SEMA5A: variants seen among roughly 807,000 people sequenced by gnomAD.
SEMA5A encodes semaphorin 5A.
Under a neutral mutation model 135.5 loss-of-function variants are expected in SEMA5A, and 55 were observed. The ratio of observed to expected loss-of-function variants is 0.41; its 90% CI spans 0.33 to 0.51. The LOEUF is 0.51. Ranked by LOEUF, SEMA5A falls within the 20% of genes least tolerant of loss-of-function variation. The pLI, the probability that SEMA5A is intolerant of heterozygous loss-of-function variation, is 0.37. For missense variants in SEMA5A, 1,290 were observed against 1,419.9 expected, an observed-to-expected ratio of 0.91 and a Z score of 1.47; for synonymous variants, 580 against 546.5, an observed-to-expected ratio of 1.06 and a Z score of -0.85.
intron 3 of SEMA5A, among the ~76,000 whole-genome samples, chr5:9,349,877 G>A (rs767457162): frequency 7.2e-5 from 11 of 152,058 alleles, no homozygotes; most frequent in South Asian, 6.2e-4. Flanking sequence ...ACTCCAGCCC[G>A]GGCAACTGAG....
chr5:9,540,795 G>A (rs1738042682), intron 1 of SEMA5A, among the ~76,000 whole-genome samples: 1 of 152,068 alleles, frequency 6.6e-6, no homozygotes, highest in Non-Finnish European at 1.5e-5. Flanking sequence ...CAGCTGCCTT[G>A]GTAGCTGGCT....
chr5:9,267,027 G>A (rs1749714764), intron 5 of SEMA5A, among the ~76,000 whole-genome samples: 1 of 152,200 alleles, frequency 6.6e-6, no homozygotes, highest in Admixed American at 6.5e-5. Flanking sequence ...CAGTGAAGAC[G>A]TGATATACCT....
chr5:9,406,937 T>C (rs1307257096), intron 2 of SEMA5A, among the ~76,000 whole-genome samples: 1 of 152,224 alleles, frequency 6.6e-6, no homozygotes, highest in Non-Finnish European at 1.5e-5. Flanking sequence ...GAAGGTACTG[T>C]ATCAAATTTC....
intron 15 of SEMA5A, among the ~76,000 whole-genome samples, chr5:9,113,611 C>T (rs1579417725): frequency 6.6e-6 from 1 of 152,040 alleles, no homozygotes; most frequent in East Asian, 1.9e-4. Flanking sequence ...TTGAAAAAGA[C>T]AAAAACACAA....
intron 16 of SEMA5A, among the ~76,000 whole-genome samples, chr5:9,068,706 G>A (rs75330064): frequency 0.097 from 14,777 of 152,076 alleles, 844 homozygotes; most frequent in African/African-American, 0.14. Context: ...AAAAAAAATG[G>A]GGCTGTGGAT....
chr5:9,307,000 C>T (rs763887028), intron 5 of SEMA5A, among the ~76,000 whole-genome samples: 41 of 152,130 alleles, frequency 2.7e-4, no homozygotes, highest in Non-Finnish European at 4.4e-4. Flanking sequence ...ATAGTCATGC[C>T]TAATTTCGTA....
intron 9 of SEMA5A, among the ~76,000 whole-genome samples, chr5:9,199,333 C>T (rs1415979044): frequency 1.3e-5 from 2 of 152,106 alleles, no homozygotes; most frequent in Non-Finnish European, 2.9e-5. Flanking sequence ...ATAGTATAGC[C>T]CATGCCTGCC....
At chr5:9,122,536 C>T (rs1740865944) in intron 14 of SEMA5A, 120 bp downstream of exon 14, 1 of 999,426 alleles carries the variant, frequency 1.0e-6, no homozygotes, top group African/African-American at 1.7e-5. Flanking sequence ...TGGTGAATGT[C>T]CCTGGTGTTT....
intron 2 of SEMA5A, among the ~76,000 whole-genome samples, chr5:9,435,949 A>G (rs1030667088): frequency 6.6e-6 from 1 of 152,210 alleles, no homozygotes; most frequent in Non-Finnish European, 1.5e-5. Flanking sequence ...AGTAAGGAAT[A>G]AAAACTAAAA....
chr5:9,490,304 A>G (rs1350317011), intron 1 of SEMA5A, among the ~76,000 whole-genome samples: 2 of 152,162 alleles, frequency 1.3e-5, no homozygotes, highest in African/African-American at 4.8e-5. Flanking sequence ...ATCTTATTTA[A>G]ACTGACACAA....
At chr5:9,482,503 A>G (rs1048741489) in intron 1 of SEMA5A, among the ~76,000 whole-genome samples, 4 of 152,216 alleles carry the variant, frequency 2.6e-5, no homozygotes, top group African/African-American at 9.6e-5. Flanking sequence ...CCTCTCAGGC[A>G]TACAATAACA....
At chr5:9,146,004 C>T (rs1160180226) in intron 12 of SEMA5A, among the ~76,000 whole-genome samples, 1 of 152,072 alleles carries the variant, frequency 6.6e-6, no homozygotes, top group African/African-American at 2.4e-5. Context: ...GAAGTACAAA[C>T]AGTTGGTAAT....
chr5:9,464,503 A>AT (rs1434491606), intron 1 of SEMA5A, among the ~76,000 whole-genome samples: 2 of 152,218 alleles, frequency 1.3e-5, no homozygotes, highest in Admixed American at 1.3e-4. Flanking sequence ...CTTTTCAATC[A>AT]TGTTTTAAAT....
chr5:9,428,088 GTATATATATA>G (rs10536071), intron 2 of SEMA5A, among the ~76,000 whole-genome samples: 35,418 of 145,440 alleles, frequency 0.24, 4,875 homozygotes, highest in African/African-American at 0.37. Context: ...ATATGTGTGT[GTATATATATA>G]TATATATATA....
intron 1 of SEMA5A, among the ~76,000 whole-genome samples, chr5:9,464,008 A>G (rs924460094): frequency 6.6e-6 from 1 of 152,086 alleles, no homozygotes; most frequent in African/African-American, 2.4e-5. Context: ...AAACCTCGAC[A>G]CTGTTGACAT....
At chr5:9,235,615 G>T (rs1487018980) in intron 6 of SEMA5A, among the ~76,000 whole-genome samples, 1 of 152,010 alleles carries the variant, frequency 6.6e-6, no homozygotes, top group Non-Finnish European at 1.5e-5. Flanking sequence ...GAAGGAGGGT[G>T]GGGCCCCTCA....
At chr5:9,339,481 A>G (rs1753548636) in intron 3 of SEMA5A, among the ~76,000 whole-genome samples, 1 of 152,244 alleles carries the variant, frequency 6.6e-6, no homozygotes, top group Non-Finnish European at 1.5e-5. Flanking sequence ...TTGCGTCTGC[A>G]TTGCTCCCTG....
At position 9,452,882 on chromosome 5, in the gene SEMA5A, C is replaced by T. The variant is rs10076448; in HGVS notation, c.-174-15030G>A. 5.3e-3 allele frequency among the ~76,000 whole-genome samples: 801 copies of T among 152,184 alleles called. 12 individuals carry two copies. Among genetic ancestry groups the T allele is most frequent in the African/African-American group, 0.018 (760 of 41,512 alleles). ...AAAAAGCTCGTTTTAAGGCTCCCAACGGGGTCTAATACATCATCCAGGAAG... is the reference window on the plus strand; with the variant it reads ...AAAAAGCTCGTTTTAAGGCTCCCAATGGGGTCTAATACATCATCCAGGAAG... On this transcript the variant is annotated intron_variant, in intron 1 of 22. Transcript: ENST00000382496.
At chr5:9,167,814 GCCTTAT>G (rs1399271900) in intron 11 of SEMA5A, among the ~76,000 whole-genome samples, 1 of 152,118 alleles carries the variant, frequency 6.6e-6, no homozygotes, top group Non-Finnish European at 1.5e-5. Context: ...GATATGCTGA[GCCTTAT>G]CCTTATTCAT....
Sources: allele counts gnomAD v4.1 joint callset (sites outside exome capture counted in the v4.1 genomes callset), GRCh38; gene constraint gnomAD v4.1.1; transcripts MANE v1.5; gene names NCBI Gene and HGNC (gene_info 2026-07-23, HGNC 2026-07-21).